EIF3H: variants seen among roughly 807,000 people sequenced by gnomAD.
EIF3H encodes the protein eIF-3-gamma.
Under a neutral mutation model 44.2 loss-of-function variants are expected in EIF3H, and 26 were observed. The observed-to-expected ratio is 0.59, with a 90% CI of 0.43 to 0.82. The LOEUF (loss-of-function observed/expected upper bound fraction) is 0.82, where lower values mean the gene tolerates loss of function less well. Ranked by LOEUF, EIF3H falls within the 40% of genes least tolerant of loss-of-function variation. EIF3H has a pLI of 0.00. For synonymous variants in EIF3H, 166 were observed against 151.9 expected (o/e 1.09, Z -0.68); for missense variants, 359 against 432.8 (o/e 0.83, Z 1.51).
chr8:116,696,001 A>G (rs1401908913), intron 2 of EIF3H, among the ~76,000 whole-genome samples: 1 of 152,224 alleles, frequency 6.6e-6, no homozygotes, highest in Non-Finnish European at 1.5e-5. Flanking sequence ...ATACAGATGT[A>G]AATGTGTTTA....
chr8:116,738,094 C>T (rs1408794118), intron 1 of EIF3H, among the ~76,000 whole-genome samples: 1 of 150,282 alleles, frequency 6.7e-6, no homozygotes, highest in Non-Finnish European at 1.5e-5. Context: ...TATACATCTG[C>T]ATTTTAGTTA....
chr8:116,693,855 C>T (rs1814219828), intron 2 of EIF3H, among the ~76,000 whole-genome samples: 3 of 150,138 alleles, frequency 2.0e-5, no homozygotes, highest in Admixed American at 1.3e-4. Flanking sequence ...TGTGTAGAGT[C>T]GGGGTCACTC....
intron 2 of EIF3H, among the ~76,000 whole-genome samples, chr8:116,691,554 AG>A (rs1417116224): frequency 6.9e-6 from 1 of 145,864 alleles, no homozygotes. Flanking sequence ...CTATTTTAAT[AG>A]GAAAAAAAAA....
intron 1 of EIF3H, among the ~76,000 whole-genome samples, chr8:116,752,722 A>AAGAGAGAG (rs547151119): frequency 9.0e-6 from 1 of 111,150 alleles, no homozygotes. Flanking sequence ...GAAAGAAAGA[A>AAGAGAGAG]AGAAAGAAAG....
chr8:116,754,259 G>A (rs1815405316), intron 1 of EIF3H, among the ~76,000 whole-genome samples: 1 of 152,040 alleles, frequency 6.6e-6, no homozygotes, highest in Admixed American at 6.5e-5. Context: ...GATTACAGGC[G>A]CGTGCCAACA....
At chr8:116,723,712 A>T (rs1458174067) in intron 2 of EIF3H, among the ~76,000 whole-genome samples, 1 of 152,242 alleles carries the variant, frequency 6.6e-6, no homozygotes, top group Non-Finnish European at 1.5e-5. Context: ...ACAAAAAGGA[A>T]ATTAAGAAAA....
chr8:116,699,150 AT>A (rs112130317), intron 2 of EIF3H, among the ~76,000 whole-genome samples: 2,135 of 143,228 alleles, frequency 0.015, 53 homozygotes, highest in African/African-American at 0.053. Context: ...AAAAAAAAAA[AT>A]TGAATACACA....
intron 5 of EIF3H, among the ~76,000 whole-genome samples, chr8:116,653,071 G>C (rs1003362059): frequency 6.6e-6 from 1 of 152,108 alleles, no homozygotes; most frequent in South Asian, 2.1e-4. Flanking sequence ...AGTGACAGTA[G>C]GGAAAAAATA....
intron 2 of EIF3H, among the ~76,000 whole-genome samples, chr8:116,677,228 A>G (rs572723213): frequency 1.3e-5 from 2 of 152,322 alleles, no homozygotes; most frequent in Non-Finnish European, 2.9e-5. Context: ...AATAAAGATA[A>G]TATGTTAGAT....
intron 2 of EIF3H, among the ~76,000 whole-genome samples, chr8:116,704,110 C>G (rs1433471006): frequency 6.6e-6 from 1 of 152,178 alleles, no homozygotes; most frequent in Non-Finnish European, 1.5e-5. Context: ...TACTCTGCTC[C>G]ATTCTACCTC....
At chr8:116,653,794 ATAAAAT>A (rs1813438142) in intron 5 of EIF3H, among the ~76,000 whole-genome samples, 1 of 152,228 alleles carries the variant, frequency 6.6e-6, no homozygotes, top group Non-Finnish European at 1.5e-5. Context: ...CTTCCATCTA[ATAAAAT>A]TAAAATAAAA....
intron 1 of EIF3H, among the ~76,000 whole-genome samples, chr8:116,741,415 TAA>T (rs775361348): frequency 2.0e-5 from 3 of 152,206 alleles, no homozygotes; most frequent in Admixed American, 6.5e-5. Context: ...GAATCTGCAT[TAA>T]AAAGAGTTCA....
At chr8:116,662,534 CA>C (rs1407636193) in intron 2 of EIF3H, among the ~76,000 whole-genome samples, 1 of 152,198 alleles carries the variant, frequency 6.6e-6, no homozygotes, top group Non-Finnish European at 1.5e-5. Flanking sequence ...ACACAACTCA[CA>C]AACAGCCACA....
intron 2 of EIF3H, among the ~76,000 whole-genome samples, chr8:116,711,970 T>C (rs1465566757): frequency 1.3e-5 from 2 of 151,234 alleles, no homozygotes; most frequent in African/African-American, 4.8e-5. Context: ...CAGTTTCCAC[T>C]CAAATATTGG....
intron 1 of EIF3H, among the ~76,000 whole-genome samples, chr8:116,751,189 G>T (rs1408150703): frequency 6.7e-6 from 1 of 150,148 alleles, no homozygotes; most frequent in East Asian, 1.9e-4. Context: ...TCCAGCCTGG[G>T]CGACAGAGCG....
chr8:116,652,713 A>G (rs907284841), intron 5 of EIF3H, among the ~76,000 whole-genome samples: 2 of 152,136 alleles, frequency 1.3e-5, no homozygotes, highest in Non-Finnish European at 2.9e-5. Context: ...CAAATTGTCT[A>G]AAGAGTTGAA....
chr8:116,667,049 A>G (rs926518685), intron 2 of EIF3H, among the ~76,000 whole-genome samples: 2 of 152,224 alleles, frequency 1.3e-5, no homozygotes, highest in African/African-American at 4.8e-5. Context: ...GTGATAAGTA[A>G]TATCAGAACT....
At chr8:116,743,794 ATATAAACACACACACACACACACACAC>A (rs1815177290) in intron 1 of EIF3H, among the ~76,000 whole-genome samples, 1 of 91,774 alleles carries the variant, frequency 1.1e-5, no homozygotes, top group African/African-American at 5.5e-5. Flanking sequence ...ATATATATAT[ATATAAACACACACACACACACACACAC>A]ACACACACAC....
intron 1 of EIF3H, among the ~76,000 whole-genome samples, chr8:116,732,937 T>C (rs1814976634): frequency 6.6e-6 from 1 of 152,224 alleles, no homozygotes; most frequent in Admixed American, 6.5e-5. Context: ...TTTTTGACAC[T>C]ATCTTCCTGG....
Sources: allele counts gnomAD v4.1 joint callset (sites outside exome capture counted in the v4.1 genomes callset), GRCh38; gene constraint gnomAD v4.1.1; transcripts MANE v1.5; gene names NCBI Gene and HGNC (gene_info 2026-07-23, HGNC 2026-07-21).